The following FGF7 variants were observed in gnomAD, a reference collection of about 807,000 sequenced individuals.
FGF7 encodes FGF-7.
Under a neutral mutation model 20.5 loss-of-function variants are expected in FGF7, and 6 were observed. The observed-to-expected ratio is 0.29, with a 90% confidence interval of 0.16 to 0.58. The LOEUF (loss-of-function observed/expected upper bound fraction) is 0.58. Among genes scored for constraint, FGF7 ranks in the 20% least tolerant of loss-of-function variants. The probability of loss-of-function intolerance (pLI) is 0.90; values close to 1 mark genes in which losing one functional copy is unlikely to be tolerated. For synonymous variants in FGF7, 64 were observed against 74.7 expected (o/e 0.86, Z 0.74); for missense variants, 144 against 228.8 (o/e 0.63, Z 2.39).
chr15:49,427,276 A>T (rs1049051137), intron 2 of FGF7, among the ~76,000 whole-genome samples: 2 of 152,062 alleles, frequency 1.3e-5, no homozygotes, highest in African/African-American at 4.8e-5. Context: ...ACATTTGAAG[A>T]TTGTTTACAT....
chr15:49,464,458 G>T (rs2054084959), intron 2 of FGF7, among the ~76,000 whole-genome samples: 1 of 152,158 alleles, frequency 6.6e-6, no homozygotes, highest in African/African-American at 2.4e-5. Context: ...TTCTAAGTTT[G>T]TAGGTTGGGC....
chr15:49,447,576 A>G (rs977351216), intron 2 of FGF7, among the ~76,000 whole-genome samples: 1 of 151,766 alleles, frequency 6.6e-6, no homozygotes, highest in Non-Finnish European at 1.5e-5. Flanking sequence ...TTTAAAATAC[A>G]TGTTCACCAT....
At chr15:49,441,251 T>G (rs1006303781) in intron 2 of FGF7, among the ~76,000 whole-genome samples, 2 of 151,620 alleles carry the variant, frequency 1.3e-5, no homozygotes, top group African/African-American at 4.8e-5. Flanking sequence ...ACAACTTAGA[T>G]TTTCAAATTA....
chr15:49,448,530 C>G (rs1346542216), intron 2 of FGF7, among the ~76,000 whole-genome samples: 1 of 151,378 alleles, frequency 6.6e-6, no homozygotes, highest in East Asian at 1.9e-4. Context: ...ATAAGTTAAT[C>G]AAAATTCACA....
chr15:49,448,255 T>C (rs1460816899), intron 2 of FGF7, among the ~76,000 whole-genome samples: 1 of 151,752 alleles, frequency 6.6e-6, no homozygotes, highest in Non-Finnish European at 1.5e-5. Flanking sequence ...TTCTGTTTTT[T>C]CTACATCTCC....
chr15:49,439,453 T>C (rs563541443), intron 2 of FGF7, among the ~76,000 whole-genome samples: 1 of 151,556 alleles, frequency 6.6e-6, no homozygotes, highest in South Asian at 2.1e-4. Flanking sequence ...TACCCAAGGG[T>C]GTGAATAGTG....
intron 2 of FGF7, among the ~76,000 whole-genome samples, chr15:49,469,887 T>C (rs906872552): frequency 2.0e-5 from 3 of 152,006 alleles, no homozygotes; most frequent in Non-Finnish European, 4.4e-5. Flanking sequence ...AAATGAGAAA[T>C]GGTGATAAAG....
At chr15:49,466,447 G>A (rs1054437582) in intron 2 of FGF7, among the ~76,000 whole-genome samples, 1 of 152,142 alleles carries the variant, frequency 6.6e-6, no homozygotes, top group Non-Finnish European at 1.5e-5. Context: ...GAAGAAAAAT[G>A]GGAGAAAATT....
At chr15:49,439,865 G>T (rs2051470747) in intron 2 of FGF7, among the ~76,000 whole-genome samples, 1 of 151,726 alleles carries the variant, frequency 6.6e-6, no homozygotes, top group African/African-American at 2.4e-5. Context: ...GGAATTACAG[G>T]TCTGGAAGGA....
chr15:49,438,936 G>A (rs947070977), intron 2 of FGF7, among the ~76,000 whole-genome samples: 2 of 151,284 alleles, frequency 1.3e-5, no homozygotes, highest in Non-Finnish European at 3.0e-5. Flanking sequence ...ATCTATTGTT[G>A]CATAACAAGT....
intron 2 of FGF7, among the ~76,000 whole-genome samples, chr15:49,445,335 A>C (rs992783810): frequency 6.6e-6 from 1 of 151,584 alleles, no homozygotes. Flanking sequence ...TGAGTATTCA[A>C]TGTTTAGCTC....
intron 2 of FGF7, among the ~76,000 whole-genome samples, chr15:49,450,301 CTCTT>C (rs770776466): frequency 6.6e-6 from 1 of 152,078 alleles, no homozygotes; most frequent in African/African-American, 2.4e-5. Context: ...TACAAGATAA[CTCTT>C]TCTTCCAAAT....
chr15:49,437,552 T>A (rs1316954023), intron 2 of FGF7, among the ~76,000 whole-genome samples: 5 of 151,668 alleles, frequency 3.3e-5, no homozygotes, highest in African/African-American at 4.8e-5. Flanking sequence ...GTAAATCATA[T>A]CTCTGTTTCT....
chr15:49,459,307 G>C (rs1288621538), intron 2 of FGF7, among the ~76,000 whole-genome samples: 1 of 152,102 alleles, frequency 6.6e-6, no homozygotes, highest in African/African-American at 2.4e-5. Flanking sequence ...TGCTTTCTAG[G>C]GGAGCAGCAC....
Position 49,475,588 on chromosome 15 carries a change from A to C in FGF7, c.287-7563A>C, listed in dbSNP as rs1485337298. 4.0e-5 allele frequency among the ~76,000 whole-genome samples: 6 copies of C among 149,592 alleles called. No individual in the cohort carries two copies. In the Admixed American group the frequency reaches 4.1e-4, roughly 10 times the overall value. ...TATTTAACAAATAAAATATTATGCT[A>C]ACTTTATTATTTATTAAATTTATTA... is the stretch of plus-strand genomic sequence containing the variant. On this transcript the variant is annotated intron_variant, in intron 2 of 3. Coordinates refer to ENST00000267843, the MANE Select transcript of FGF7 (RefSeq NM_002009.4).
At chr15:49,438,416 C>T (rs553894877) in intron 2 of FGF7, among the ~76,000 whole-genome samples, 12 of 151,752 alleles carry the variant, frequency 7.9e-5, no homozygotes, top group Middle Eastern at 3.4e-3. Context: ...TTTGTTCCAC[C>T]CAGTCTTTGA....
At chr15:49,453,274 T>C (rs764335995) in intron 2 of FGF7, among the ~76,000 whole-genome samples, 1 of 152,096 alleles carries the variant, frequency 6.6e-6, no homozygotes, top group Non-Finnish European at 1.5e-5. Flanking sequence ...TTCATTATTA[T>C]TATTTTTTAT....
chr15:49,425,712 T>G (rs767952958), intron 2 of FGF7, among the ~76,000 whole-genome samples: 1 of 151,910 alleles, frequency 6.6e-6, no homozygotes, highest in Admixed American at 6.6e-5. Flanking sequence ...CAGAGAATTA[T>G]GTTTCCAATA....
chr15:49,468,505 G>T (rs994814397), intron 2 of FGF7, among the ~76,000 whole-genome samples: 3 of 152,066 alleles, frequency 2.0e-5, no homozygotes, highest in Non-Finnish European at 4.4e-5. Flanking sequence ...GCTTTCTTAG[G>T]GTAAAGTGAT....
Sources: allele counts gnomAD v4.1 joint callset (sites outside exome capture counted in the v4.1 genomes callset), GRCh38; gene constraint gnomAD v4.1.1; transcripts MANE v1.5; gene names NCBI Gene and HGNC (gene_info 2026-07-23, HGNC 2026-07-21).